PROS1: variants seen among roughly 807,000 people sequenced by gnomAD.
PROS1 encodes protein S, also known as vitamin K-dependent protein S.
Under a neutral mutation model 75.9 loss-of-function variants are expected in PROS1, and 29 were observed. The ratio of observed to expected loss-of-function variants is 0.38; its 90% CI spans 0.28 to 0.52. The LOEUF (loss-of-function observed/expected upper bound fraction) is 0.52, where lower values mean the gene tolerates loss of function less well. Among genes scored for constraint, PROS1 ranks in the 20% least tolerant of loss-of-function variants. The probability of loss-of-function intolerance (pLI) is 0.83; values close to 1 mark genes in which losing one functional copy is unlikely to be tolerated. For synonymous variants in PROS1, 245 were observed against 280.6 expected, an observed-to-expected ratio of 0.87 and a Z score of 1.27; for missense variants, 680 against 810.3, an observed-to-expected ratio of 0.84 and a Z score of 1.95.
At chr3:93,970,118 C>T (rs1709854556) in intron 1 of PROS1, among the ~76,000 whole-genome samples, 1 of 151,742 alleles carries the variant, frequency 6.6e-6, no homozygotes. Flanking sequence ...AAAAGATAAG[C>T]CTTCATAACT....
Position 93,879,306 on chromosome 3 carries a change from A to G in PROS1, c.1501T>C (p.Ser501Pro), listed in dbSNP as rs121918472. Reference protein sequence around the residue: ...AQFHIDYNNVSSAEGWHVNVT... With the variant: ...AQFHIDYNNVPSAEGWHVNVT... ...TTTACATGCCAACCCTCAGCACTGGATACATTATCTATTTAAAATAATGAA... is the reference window on the plus strand; with the variant it reads ...TTTACATGCCAACCCTCAGCACTGGGTACATTATCTATTTAAAATAATGAA... Residue 501 changes from serine (S) to proline (P), a missense_variant, in exon 13 of 15, where the codon TCC becomes CCC. Coordinates refer to ENST00000394236, the MANE Select transcript of PROS1 (RefSeq NM_000313.4). 3.1e-3 allele frequency: 5,000 copies of G among 1,613,946 alleles called. 8 individuals are homozygous for G. Among genetic ancestry groups the G allele is most frequent in the Non-Finnish European group, 3.8e-3 (4,477 of 1,179,830 alleles).
At chr3:93,929,338 G>A (rs1475440632) in intron 1 of PROS1, among the ~76,000 whole-genome samples, 1 of 152,028 alleles carries the variant, frequency 6.6e-6, no homozygotes, top group Non-Finnish European at 1.5e-5. Flanking sequence ...AATTGTCCAG[G>A]TGTAGTGGTG....
chr3:93,954,312 C>G (rs1232836676), intron 1 of PROS1, among the ~76,000 whole-genome samples: 1 of 152,154 alleles, frequency 6.6e-6, no homozygotes, highest in Non-Finnish European at 1.5e-5. Context: ...ATCTTGCTAC[C>G]TCACTTCAAA....
chr3:93,905,049 G>C (rs537520202), intron 6 of PROS1, among the ~76,000 whole-genome samples: 1 of 152,146 alleles, frequency 6.6e-6, no homozygotes, highest in African/African-American at 2.4e-5. Flanking sequence ...TTGGAAATCA[G>C]AAAAGTATTT....
At chr3:93,902,036 G>A (rs1364826863) in intron 6 of PROS1, among the ~76,000 whole-genome samples, 1 of 152,064 alleles carries the variant, frequency 6.6e-6, no homozygotes, top group Middle Eastern at 3.2e-3. Context: ...AGGAGTGGCC[G>A]GGCACAGCAG....
Position 93,874,227 on chromosome 3 carries a change from A to C in PROS1, c.*18T>G, listed in dbSNP as rs761046948. The stretch of plus-strand genomic sequence containing the variant: ...ATTACACACAAGGAAAAGGTATTAT[A>C]AGCAGAGAAAAGATGCCTTAAGAAT... On this transcript the variant is annotated 3_prime_UTR_variant, in exon 15 of 15. Coordinates refer to ENST00000394236, the MANE Select transcript of PROS1 (RefSeq NM_000313.4). 3.1e-5 allele frequency: 50 copies of C among 1,612,566 alleles called. No individual in the cohort carries two copies. Among genetic ancestry groups the C allele is most frequent in the African/African-American group, 8.0e-5 (6 of 74,896 alleles).
chr3:93,930,938 T>TA (rs1709096679), intron 1 of PROS1, among the ~76,000 whole-genome samples: 2 of 152,270 alleles, frequency 1.3e-5, no homozygotes, highest in South Asian at 2.1e-4. Flanking sequence ...AGAGGAATAT[T>TA]AAAAAAACAA....
At chr3:93,909,927 A>G (rs958804541) in intron 4 of PROS1, among the ~76,000 whole-genome samples, 2 of 152,206 alleles carry the variant, frequency 1.3e-5, no homozygotes, top group Admixed American at 6.5e-5. Context: ...TTAAGAAAAG[A>G]TAAAGCATGA....
chr3:93,874,271 C>A lies in PROS1; in HGVS notation c.2005G>T (p.Val669Phe), dbSNP rs1297012814. The A allele has an allele frequency of 5.0e-6, 8 of 1,613,308 alleles. No homozygotes were observed. Among genetic ancestry groups the A allele is most frequent in the Non-Finnish European group, 5.9e-6 (7 of 1,179,528 alleles). The change falls in exon 15 of 15, where the codon GTT becomes TTT. Residue 669 changes from valine (V) to phenylalanine (F), a missense_variant. Coordinates refer to ENST00000394236, the MANE Select transcript of PROS1 (RefSeq NM_000313.4). ...TAAGAATTCTTTGTCTTTTTCCAAA[C>A]TGATGGACATGAGTGAGCTCTAATA... is the stretch of plus-strand genomic sequence containing the variant. ...NDIRAHSCPS[V>F]WKKTKNS
At chr3:93,910,555 C>T in intron 4 of PROS1, 64 bp downstream of exon 4, 3 of 1,311,894 alleles carry the variant, frequency 2.3e-6, no homozygotes, top group Non-Finnish European at 3.3e-6. Context: ...TTTATATTAC[C>T]ATGGGTGTAC....
At chr3:93,950,334 G>C (rs575141294) in intron 1 of PROS1, among the ~76,000 whole-genome samples, 1 of 152,266 alleles carries the variant, frequency 6.6e-6, no homozygotes, top group South Asian at 2.1e-4. Context: ...CAAGAGAGTA[G>C]TGGTTCTCCC....
At position 93,973,697 on chromosome 3, in the gene PROS1, A is replaced by G. The variant is rs1162049144; in HGVS notation, c.53T>C (p.Val18Ala). Residue 18 changes from valine (V) to alanine (A), a missense_variant, in exon 1 of 15, where the codon GTG (valine) becomes GCG (alanine). Physicochemically the swap from Val to Ala is moderately conservative, Grantham distance 64 (BLOSUM62 0). Transcript: ENST00000394236. Reference protein sequence around the residue: ...CGALLACLLLVLPVSEANFLS... With the variant: ...CGALLACLLLALPVSEANFLS... ...ACAGTTTGCCTCTGAGACGGGAAGC[A>G]CTAGGAGGAGACACGCCAGCAGCGC... The G allele has an allele frequency of 6.2e-7, 1 of 1,613,990 alleles. No homozygotes were observed. Among genetic ancestry groups the G allele is most frequent in the East Asian group, 2.2e-5 (1 of 44,870 alleles).
intron 4 of PROS1, among the ~76,000 whole-genome samples, 170 bp downstream of exon 4, chr3:93,910,449 A>G (rs1464043439): frequency 2.0e-5 from 3 of 152,220 alleles, no homozygotes; most frequent in African/African-American, 7.2e-5. Flanking sequence ...AGGAGCATTT[A>G]CAACTATAAA....
chr3:93,965,840 G>C (rs1425642436), intron 1 of PROS1, among the ~76,000 whole-genome samples: 1 of 152,012 alleles, frequency 6.6e-6, no homozygotes. Context: ...AATTACAGGT[G>C]GGCACCACCA....
intron 1 of PROS1, 149 bp downstream of exon 1, chr3:93,973,525 C>T: frequency 1.3e-6 from 1 of 781,072 alleles, no homozygotes; most frequent in Non-Finnish European, 2.2e-6. Flanking sequence ...GCTCTATCCA[C>T]GGCTGTTTCC....
intron 1 of PROS1, among the ~76,000 whole-genome samples, chr3:93,937,684 A>T (rs1709207196): frequency 6.6e-6 from 1 of 152,054 alleles, no homozygotes; most frequent in Non-Finnish European, 1.5e-5. Context: ...ATTTTTAACC[A>T]CTAGGTTTAG....
rs150175208 is a variant in PROS1 at position 93,916,919 on chromosome 3, A to C, written c.260-6214T>G. Among the ~76,000 whole-genome samples the C allele has an allele frequency of 4.3e-3, 656 of 152,366 alleles. 32 individuals are homozygous for C. In the East Asian group the frequency reaches 0.078, roughly 18 times the overall value. On this transcript the variant is annotated intron_variant, in intron 3 of 14. Coordinates refer to ENST00000394236, the MANE Select transcript of PROS1 (RefSeq NM_000313.4). ...TATCTTGATTTGTCAATTCTAAAAAATAGTTCAAACAGCCACTGACTCCTA... is the reference window on the plus strand; with the variant it reads ...TATCTTGATTTGTCAATTCTAAAAACTAGTTCAAACAGCCACTGACTCCTA...
At chr3:93,912,818 C>G (rs1054593238) in intron 3 of PROS1, among the ~76,000 whole-genome samples, 31 of 152,100 alleles carry the variant, frequency 2.0e-4, no homozygotes, top group Non-Finnish European at 2.9e-5. Flanking sequence ...GATGGTGGAG[C>G]CTTAATGACC....
intron 1 of PROS1, among the ~76,000 whole-genome samples, chr3:93,929,071 C>T (rs1422727088): frequency 1.3e-5 from 2 of 152,168 alleles, no homozygotes. Flanking sequence ...ATCTCAACAA[C>T]TCTGATTCTA....
Sources: allele counts gnomAD v4.1 joint callset (sites outside exome capture counted in the v4.1 genomes callset), GRCh38; gene constraint gnomAD v4.1.1; transcripts MANE v1.5; gene names NCBI Gene and HGNC (gene_info 2026-07-23, HGNC 2026-07-21).